Variants in UGT2B11 observed in about 807,000 individuals in gnomAD.
The protein encoded by UGT2B11 is UDP-glucuronosyltransferase 2B11.
A neutral mutation model predicts 51.7 loss-of-function variants in UGT2B11; 49 were observed. The observed-to-expected ratio is 0.95, with a 90% CI of 0.75 to 1.20. The LOEUF (loss-of-function observed/expected upper bound fraction) is 1.20, where lower values mean the gene tolerates loss of function less well. Ranked by LOEUF, UGT2B11 falls within the 50% of genes most tolerant of loss-of-function variation. The probability of loss-of-function intolerance (pLI) is 0.00; values close to 1 mark genes in which losing one functional copy is unlikely to be tolerated. For synonymous variants in UGT2B11, 273 were observed against 209.0 expected, an observed-to-expected ratio of 1.31 and a Z score of -2.64; for missense variants, 810 against 622.1, an observed-to-expected ratio of 1.30 and a Z score of -3.21.
chr4:69,213,192 G>A (rs1197888210), intron 1 of UGT2B11, among the ~76,000 whole-genome samples: 2 of 151,534 alleles, frequency 1.3e-5, no homozygotes, highest in African/African-American at 4.8e-5. Flanking sequence ...TGAGTGTATG[G>A]CAGAAATCCT....
the UGT2B11 span, among the ~76,000 whole-genome samples, chr4:69,224,237 G>A: frequency 6.6e-6 from 1 of 152,158 alleles, no homozygotes; most frequent in South Asian, 2.1e-4. Context: ...TAGGACCCAG[G>A]AGGAAGGGGT....
chr4:69,224,019 G>A, the UGT2B11 span, among the ~76,000 whole-genome samples: 1 of 152,182 alleles, frequency 6.6e-6, no homozygotes, highest in Admixed American at 6.5e-5. Flanking sequence ...TTGTCTTGAT[G>A]TGGGGAACCA....
At position 69,214,004 on chromosome 4, in the gene UGT2B11, A is replaced by G. The variant is rs1722169180; in HGVS notation, c.719T>C (p.Leu240Ser). The G allele has an allele frequency of 6.4e-7, 1 of 1,560,780 alleles. No homozygotes were observed. Among genetic ancestry groups the G allele is most frequent in the Non-Finnish European group, 8.6e-7 (1 of 1,157,580 alleles). Residue 240 changes from leucine to serine, a missense_variant and splice_region_variant, in exon 1 of 6, where the codon TTA becomes TCA. By Grantham distance (145) the Leu-to-Ser change is moderately radical. Transcript: ENST00000446444. The stretch of plus-strand genomic sequence containing the variant: ...TTACCGATTAAACAAATTCTTACCT[A>G]AAACTTCACTGTAAAACTGATCCCA... Reference protein sequence around the residue: ...KKWDQFYSEVLGRPTTLFETM... With the variant: ...KKWDQFYSEVSGRPTTLFETM...
chr4:69,206,585 A>C (rs896927297), intron 3 of UGT2B11, among the ~76,000 whole-genome samples: 3 of 144,900 alleles, frequency 2.1e-5, no homozygotes, highest in African/African-American at 7.5e-5. Flanking sequence ...ACACAAGTTT[A>C]CCTATGTAAA....
In UGT2B11 at chr4:69,212,593, GT is replaced by G. The variant is rs760135762; in HGVS notation, c.849del (p.Lys283AsnfsTer30). On this transcript the variant is annotated frameshift_variant, in exon 2 of 6. Transcript: ENST00000446444. LOFTEE classifies it high-confidence loss of function. ...TTTACCTTAGGTAGGGGTTTGGCAG[GT>G]TTGCAGTGGAATCCTCCAACAAAAT... ...NVDFVGGFHCKPAKPLPKEME... is the reference protein window; with the variant it reads ...NVDFVGGFHCXPAKPLPKEME... 8 of 1,608,412 alleles carry G rather than the reference GT, an allele frequency of 5.0e-6. 1 individual carries two copies. The Middle Eastern group carries it at 5.0e-4, about 100-fold the overall frequency.
chr4:69,200,213 T>A lies in UGT2B11; in HGVS notation c.*227A>T. Reference sequence around the variant, plus strand: ...AATGGCTTTATATTATTTTTTAATTTTCCTAGTATTTTCTTCATTGCCACA... The same window carrying A: ...AATGGCTTTATATTATTTTTTAATTATCCTAGTATTTTCTTCATTGCCACA... On this transcript the variant is annotated 3_prime_UTR_variant, in exon 6 of 6. Transcript: ENST00000446444. The A allele has an allele frequency of 2.1e-6, 1 of 473,950 alleles. No homozygotes were observed. Among genetic ancestry groups the A allele is most frequent in the Non-Finnish European group, 3.2e-6 (1 of 311,254 alleles). 29.4% of individuals were successfully genotyped at this position (473,950 alleles called of 1,614,324 possible). A position where few individuals can be genotyped will look rare whatever the true frequency, so the allele number is the denominator to read the frequency against.
At chr4:69,221,493 T>G in the UGT2B11 span, among the ~76,000 whole-genome samples, 4 of 152,222 alleles carry the variant, frequency 2.6e-5, no homozygotes, top group African/African-American at 4.8e-5. Context: ...GATTTCTTCT[T>G]CAAGTAGGGG....
chr4:69,200,240 A>C lies in UGT2B11; in HGVS notation c.*200T>G. 1.4e-6 allele frequency: 1 copy of C among 713,410 alleles called. No individual in the cohort carries two copies. Among genetic ancestry groups the C allele is most frequent in the East Asian group, 4.0e-5 (1 of 24,994 alleles). 44.2% of individuals were successfully genotyped at this position (713,410 alleles called of 1,614,324 possible). On this transcript the variant is annotated 3_prime_UTR_variant, in exon 6 of 6. Coordinates refer to ENST00000446444, the MANE Select transcript of UGT2B11 (RefSeq NM_001073.3). The stretch of plus-strand genomic sequence containing the variant: ...CCTAGTATTTTCTTCATTGCCACAA[A>C]ATATTTCTAACCATTACCTGGGTGG...
rs1560534651 is a variant in UGT2B11 at position 69,200,311 on chromosome 4, A to ATTTT, written c.*128_*129insAAAA. The ATTTT allele has an allele frequency of 2.0e-6, 2 of 1,000,188 alleles. No individual in the cohort carries two copies. The highest frequency in any genetic ancestry group is 4.2e-5 in the Admixed American group (1 of 23,664). The allele number at this position is 1,000,188 out of a possible 1,614,324, so 62.0% of individuals were successfully genotyped here. On this transcript the variant is annotated 3_prime_UTR_variant, in exon 6 of 6. Coordinates refer to ENST00000446444, the MANE Select transcript of UGT2B11 (RefSeq NM_001073.3). Reference sequence around the variant, plus strand: ...TTTTACTTGACAAGGTAGATTTGAAAATTTTTTTTTTTTTTTTTTTTTTGT... The same window carrying ATTTT: ...TTTTACTTGACAAGGTAGATTTGAAATTTTATTTTTTTTTTTTTTTTTTTTTTGT...
the UGT2B11 span, among the ~76,000 whole-genome samples, chr4:69,220,378 T>G: frequency 7.9e-5 from 12 of 152,188 alleles, no homozygotes; most frequent in East Asian, 1.9e-4. Flanking sequence ...TATCATACTG[T>G]GGTCTGGAGG....
chr4:69,209,743 A>G (rs1337312402), intron 2 of UGT2B11, among the ~76,000 whole-genome samples: 1 of 151,490 alleles, frequency 6.6e-6, no homozygotes, highest in Non-Finnish European at 1.5e-5. Flanking sequence ...GCCACATTTA[A>G]TGTAACTCGT....
chr4:69,211,606 T>C (rs1206411655), intron 2 of UGT2B11, among the ~76,000 whole-genome samples: 4 of 151,488 alleles, frequency 2.6e-5, no homozygotes, highest in African/African-American at 9.7e-5. Flanking sequence ...GTTTTGTCTG[T>C]TTTAATATTT....
intron 3 of UGT2B11, among the ~76,000 whole-genome samples, chr4:69,207,536 C>T (rs568479418): frequency 1.3e-5 from 2 of 151,664 alleles, no homozygotes; most frequent in Admixed American, 1.3e-4. Flanking sequence ...TTGACTCCTT[C>T]CTATATTTCC....
At chr4:69,219,596 G>A (rs1193189927), upstream of UGT2B11, among the ~76,000 whole-genome samples, 1 of 152,116 alleles carries the variant, frequency 6.6e-6, no homozygotes, top group African/African-American at 2.4e-5. Flanking sequence ...CACATGGCTT[G>A]GGAGGCCTCG....
At chr4:69,223,924 A>T in the UGT2B11 span, among the ~76,000 whole-genome samples, 1 of 152,270 alleles carries the variant, frequency 6.6e-6, no homozygotes, top group Admixed American at 6.5e-5. Context: ...GGTCCCAACA[A>T]GGGGGAAAGT....
the UGT2B11 span, among the ~76,000 whole-genome samples, chr4:69,221,082 C>G: frequency 6.6e-6 from 1 of 152,104 alleles, no homozygotes; most frequent in Non-Finnish European, 1.5e-5. Flanking sequence ...TATAAGGAGA[C>G]TTTGTAACTC....
chr4:69,210,476 C>G (rs1183044748), intron 2 of UGT2B11, among the ~76,000 whole-genome samples: 2 of 151,554 alleles, frequency 1.3e-5, no homozygotes, highest in African/African-American at 4.8e-5. Context: ...ACATAATAAA[C>G]AGTTAAATAG....
chr4:69,205,294 T>C (rs1321011341), intron 4 of UGT2B11, among the ~76,000 whole-genome samples, 186 bp downstream of exon 4: 2 of 151,768 alleles, frequency 1.3e-5, no homozygotes, highest in Non-Finnish European at 2.9e-5. Flanking sequence ...ATTCTGACCA[T>C]AAAGAATGTG....
At position 69,214,133 on chromosome 4, in the gene UGT2B11, A is replaced by G. The variant is rs1577967128; in HGVS notation, c.590T>C (p.Val197Ala). Residue 197 changes from valine (V) to alanine (A), a missense_variant, in exon 1 of 6, where the codon GTT becomes GCT. By Grantham distance (64) the Val-to-Ala change is moderately conservative (BLOSUM62 0). Coordinates refer to ENST00000446444, the MANE Select transcript of UGT2B11 (RefSeq NM_001073.3). ...CATTTGATCACTTAATTTTGACATA[A>G]CAATAGGTATGTAGGAAGGAGGGAA... The part of the protein sequence containing the change: ...LIFPPSYIPI[V>A]MSKLSDQMTF... 13 of 1,612,462 alleles carry G rather than the reference A, an allele frequency of 8.1e-6. No homozygotes were observed. In the East Asian group the frequency reaches 2.9e-4, roughly 36 times the overall value.
Sources: gnomAD v4.1 joint callset for allele counts (sites outside exome capture counted in the v4.1 genomes callset) on GRCh38, gnomAD v4.1.1 for gene constraint, MANE v1.5 for transcripts, NCBI Gene and HGNC (gene_info 2026-07-23, HGNC 2026-07-21) for gene names.